Variants in FER observed in about 807,000 individuals in gnomAD.
FER encodes tyrosine-protein kinase Fer.
A neutral mutation model predicts 111.0 loss-of-function variants in FER; 63 were observed. The observed-to-expected ratio is 0.57, with a 90% CI of 0.46 to 0.70. The LOEUF is 0.70. Among genes scored for constraint, FER ranks in the 30% least tolerant of loss-of-function variants. The pLI, the probability that FER is intolerant of heterozygous loss-of-function variation, is 0.00. For synonymous variants in FER, 327 were observed against 313.9 expected (o/e 1.04, Z -0.44); for missense variants, 914 against 954.0 (o/e 0.96, Z 0.55).
At chr5:108,872,286 A>G (rs1764674726) in intron 8 of FER, 74 bp downstream of exon 8, 1 of 1,359,956 alleles carries the variant, frequency 7.4e-7, no homozygotes, top group African/African-American at 1.5e-5. Context: ...CAGATTTAAA[A>G]TATCAATTAT....
chr5:108,873,977 G>A (rs1399785424), intron 8 of FER, among the ~76,000 whole-genome samples: 1 of 152,114 alleles, frequency 6.6e-6, no homozygotes, highest in Non-Finnish European at 1.5e-5. Flanking sequence ...CAATTCACGT[G>A]CTGCTGGTGA....
Position 109,051,468 on chromosome 5 carries a change from G to C in FER, c.1924+4270G>C. On this transcript the variant is annotated intron_variant, in intron 16 of 19. Coordinates refer to ENST00000281092, the MANE Select transcript of FER (RefSeq NM_005246.4). ...CATCGGGGAAATCAAAAGGCTGTGC[G>C]TGGGAGTTAGAGATGGTGCTTCCCG... 1.9e-6 allele frequency: 3 copies of C among 1,611,876 alleles called. No individual in the cohort carries two copies. In the South Asian group the frequency reaches 3.3e-5, roughly 18 times the overall value.
intron 2 of FER, chr5:108,782,896 T>C (rs938635793): frequency 1.3e-5 from 2 of 152,230 alleles, no homozygotes; most frequent in Admixed American, 1.3e-4. Context: ...GAATTACTGT[T>C]AGCCCTTTGT....
intron 10 of FER, among the ~76,000 whole-genome samples, chr5:108,901,541 A>G (rs1023388433): frequency 2.0e-5 from 3 of 152,202 alleles, no homozygotes; most frequent in African/African-American, 7.2e-5. Context: ...AATCAGAAAT[A>G]AAAGTGAAGC....
At chr5:108,825,774 C>G (rs192900514) in intron 3 of FER, among the ~76,000 whole-genome samples, 7 of 152,152 alleles carry the variant, frequency 4.6e-5, no homozygotes, top group Admixed American at 4.6e-4. Context: ...TTTGGGGGAA[C>G]CAATAAATGT....
At chr5:109,002,860 A>G (rs977715825) in intron 13 of FER, among the ~76,000 whole-genome samples, 1 of 152,268 alleles carries the variant, frequency 6.6e-6, no homozygotes, top group East Asian at 1.9e-4. Flanking sequence ...AAATACATGA[A>G]AAAATGCTCA....
At position 108,817,103 on chromosome 5, in the gene FER, C is replaced by CAAAAAAAAAAAAA. The variant is rs70999913; in HGVS notation, c.208-15645_208-15633dup. Among the ~76,000 whole-genome samples the CAAAAAAAAAAAAA allele has an allele frequency of 2.7e-4, 16 of 59,202 alleles. 1 individual carries two copies. Among genetic ancestry groups the CAAAAAAAAAAAAA allele is most frequent in the East Asian group, 9.7e-4 (1 of 1,030 alleles). 38.8% of individuals were successfully genotyped at this position (59,202 alleles called of 152,430 possible). On this transcript the variant is annotated intron_variant, in intron 3 of 19. Coordinates refer to ENST00000281092, the MANE Select transcript of FER (RefSeq NM_005246.4). Reference sequence around the variant, plus strand: ...TGGGCAACAGAGCAAGACACTGTCTCAAAAAAAAAAAAAAAAAAAAAAAAA... The same window carrying CAAAAAAAAAAAAA: ...TGGGCAACAGAGCAAGACACTGTCTCAAAAAAAAAAAAAAAAAAAAAAAAAAAAAAAAAAAAAA...
At chr5:109,100,700 C>G (rs370002388) in intron 17 of FER, among the ~76,000 whole-genome samples, 181 bp downstream of exon 17, 12 of 151,826 alleles carry the variant, frequency 7.9e-5, no homozygotes, top group African/African-American at 2.2e-4. Flanking sequence ...CTCCTTTTTC[C>G]TCTTACTTGA....
intron 17 of FER, among the ~76,000 whole-genome samples, chr5:109,126,239 T>C (rs915925855): frequency 6.6e-6 from 1 of 152,218 alleles, no homozygotes. Flanking sequence ...CCTGTTCATC[T>C]AGTCCCTTGG....
chr5:109,001,746 G>C (rs1002779609), intron 13 of FER, among the ~76,000 whole-genome samples: 7 of 152,144 alleles, frequency 4.6e-5, no homozygotes, highest in Admixed American at 4.6e-4. Flanking sequence ...CATCGTCTTA[G>C]CCCAAAATCT....
chr5:108,869,226 T>C (rs1363659200), intron 6 of FER, among the ~76,000 whole-genome samples: 1 of 152,152 alleles, frequency 6.6e-6, no homozygotes, highest in Admixed American at 6.6e-5. Context: ...TTCCTTACAG[T>C]ATCCTGTAGA....
chr5:109,167,442 T>G (rs891130227), intron 17 of FER, among the ~76,000 whole-genome samples: 1 of 152,162 alleles, frequency 6.6e-6, no homozygotes, highest in African/African-American at 2.4e-5. Flanking sequence ...GTTTCCTGAT[T>G]CAGTTCCCAG....
chr5:109,053,375 T>A, intron 16 of FER, among the ~76,000 whole-genome samples: 1 of 110,102 alleles, frequency 9.1e-6, no homozygotes, highest in East Asian at 2.4e-4. Context: ...AGAGTGAGAC[T>A]CCGTCTCAAA....
rs932887937 is a variant in FER, at chr5:108,988,449, T to A, written c.1656+29102T>A. ...TTTTGTTGGCAAGTTTTTATTACCA[T>A]TTCAATCTCACTGCTTATTACTGAT... On this transcript the variant is annotated intron_variant, in intron 13 of 19. Coordinates refer to ENST00000281092, the MANE Select transcript of FER (RefSeq NM_005246.4). Among the ~76,000 whole-genome samples the A allele has an allele frequency of 3.9e-4, 59 of 152,268 alleles. 1 individual carries two copies. The highest frequency in any genetic ancestry group is 1.4e-3 in the African/African-American group (59 of 41,576).
At chr5:109,126,388 A>G (rs538833112) in intron 17 of FER, among the ~76,000 whole-genome samples, 3 of 152,354 alleles carry the variant, frequency 2.0e-5, no homozygotes, top group Middle Eastern at 3.4e-3. Flanking sequence ...CTCTGTTTAC[A>G]TATTCACCTT....
At chr5:108,902,596 A>G (rs572716345) in intron 10 of FER, among the ~76,000 whole-genome samples, 1 of 152,288 alleles carries the variant, frequency 6.6e-6, no homozygotes, top group African/African-American at 2.4e-5. Flanking sequence ...TTCCCTTTCA[A>G]GGAGCCTCCT....
In FER at chr5:109,195,504, A is replaced by T. The variant is rs1012050018; in HGVS notation, c.*7929A>T. On this transcript the variant is annotated 3_prime_UTR_variant, in exon 20 of 20. Coordinates refer to ENST00000281092, the MANE Select transcript of FER (RefSeq NM_005246.4). ...TTTCCCATAACAAGTAAATTTTATA[A>T]TCCTATGATTCTAAATTCAATCCCC... is the stretch of plus-strand genomic sequence containing the variant. The T allele has an allele frequency of 5.9e-5, 9 of 152,192 alleles. No individual in the cohort carries two copies. Among genetic ancestry groups the T allele is most frequent in the Non-Finnish European group, 1.2e-4 (8 of 68,040 alleles). 9.4% of individuals were successfully genotyped at this position (152,192 alleles called of 1,614,324 possible). A position where few individuals can be genotyped will look rare whatever the true frequency, so the allele number is the denominator to read the frequency against.
intron 17 of FER, among the ~76,000 whole-genome samples, chr5:109,110,959 C>G (rs938527885): frequency 6.6e-6 from 1 of 152,118 alleles, no homozygotes; most frequent in Non-Finnish European, 1.5e-5. Context: ...TTCCTCCTGG[C>G]ATTGTTTTAT....
chr5:109,078,394 T>G (rs1776613697), intron 16 of FER, among the ~76,000 whole-genome samples: 1 of 152,228 alleles, frequency 6.6e-6, no homozygotes, highest in South Asian at 2.1e-4. Context: ...AATATTGCAT[T>G]ATTTAGGTAG....
Sources: gnomAD v4.1 joint callset for allele counts (sites outside exome capture counted in the v4.1 genomes callset) on GRCh38, gnomAD v4.1.1 for gene constraint, MANE v1.5 for transcripts, NCBI Gene and HGNC (gene_info 2026-07-23, HGNC 2026-07-21) for gene names.